Variants in UBXN7 observed in about 807,000 individuals in gnomAD.
The protein encoded by UBXN7 is UBX domain protein 7.
A neutral mutation model predicts 58.0 loss-of-function variants in UBXN7; 9 were observed. The ratio of observed to expected loss-of-function variants is 0.16; its 90% CI spans 0.09 to 0.27. The LOEUF (loss-of-function observed/expected upper bound fraction) is 0.27, where lower values mean the gene tolerates loss of function less well. Ranked by LOEUF, UBXN7 falls within the 10% of genes least tolerant of loss-of-function variation. The pLI is 1.00. For missense variants in UBXN7, 328 were observed against 599.6 expected (o/e 0.55, Z 4.73); for synonymous variants, 208 against 205.0 (o/e 1.01, Z -0.12).
intron 6 of UBXN7, 99 bp downstream of exon 6, chr3:196,371,797 T>A: frequency 6.9e-7 from 1 of 1,455,528 alleles, no homozygotes; most frequent in South Asian, 1.4e-5. Flanking sequence ...TTACCTTTTT[T>A]TAAATGTCTT....
intron 2 of UBXN7, among the ~76,000 whole-genome samples, chr3:196,404,946 G>C (rs1289440065): frequency 1.3e-5 from 2 of 152,090 alleles, no homozygotes; most frequent in African/African-American, 4.8e-5. Context: ...TTGAGCTCAG[G>C]AGTTCAAGAC....
intron 6 of UBXN7, among the ~76,000 whole-genome samples, chr3:196,370,828 C>A (rs1457732009): frequency 1.4e-5 from 2 of 144,906 alleles, no homozygotes; most frequent in Non-Finnish European, 3.0e-5. Flanking sequence ...CGAGACGAGC[C>A]TGGGCAATAT....
chr3:196,380,065 G>C (rs917130524), intron 5 of UBXN7, among the ~76,000 whole-genome samples: 3 of 152,118 alleles, frequency 2.0e-5, no homozygotes, highest in East Asian at 3.9e-4. Flanking sequence ...CTGGCTACCA[G>C]GGTGAAACCA....
intron 1 of UBXN7, among the ~76,000 whole-genome samples, chr3:196,418,623 C>A (rs1730577749): frequency 1.3e-5 from 2 of 152,170 alleles, no homozygotes; most frequent in Admixed American, 1.3e-4. Context: ...AACAGCACTC[C>A]AGTGTGACTG....
rs1463398715 is a variant in UBXN7, at chr3:196,353,189, A to C, written c.*3496T>G. On this transcript the variant is annotated 3_prime_UTR_variant, in exon 11 of 11. Transcript: ENST00000296328. ...GGTAGCTTGATTCTCTTGCTGAAGG[A>C]GACCACAGCATGGACTCTGGATTCC... 6.6e-6 allele frequency: 1 copy of C among 152,230 alleles called. No homozygotes were observed. The highest frequency in any genetic ancestry group is 1.9e-4 in the East Asian group (1 of 5,200). 9.4% of individuals were successfully genotyped at this position (152,230 alleles called of 1,614,324 possible).
chr3:196,374,712 C>A (rs1022781958), intron 5 of UBXN7, among the ~76,000 whole-genome samples: 1 of 150,128 alleles, frequency 6.7e-6, no homozygotes, highest in African/African-American at 2.5e-5. Flanking sequence ...GAAACCCCAT[C>A]TCTACTAAAA....
At chr3:196,420,052 T>C (rs1383679935) in intron 1 of UBXN7, among the ~76,000 whole-genome samples, 1 of 152,192 alleles carries the variant, frequency 6.6e-6, no homozygotes, top group African/African-American at 2.4e-5. Flanking sequence ...TTAGTGAAGT[T>C]ACACATTTTA....
chr3:196,373,407 G>C (rs1728899482), intron 5 of UBXN7, among the ~76,000 whole-genome samples: 1 of 152,186 alleles, frequency 6.6e-6, no homozygotes, highest in African/African-American at 2.4e-5. Context: ...CTGCTGAGTG[G>C]AAAACAATGG....
intron 6 of UBXN7, 145 bp downstream of exon 6, chr3:196,371,751 G>C: frequency 1.0e-6 from 1 of 988,436 alleles, no homozygotes; most frequent in Non-Finnish European, 1.4e-6. Flanking sequence ...CCAAAGTGCT[G>C]GGATTATAGG....
intron 1 of UBXN7, among the ~76,000 whole-genome samples, chr3:196,413,275 T>C (rs1730387676): frequency 1.3e-5 from 2 of 152,008 alleles, no homozygotes; most frequent in African/African-American, 2.4e-5. Context: ...GAGGCAGAGG[T>C]TGCAGTGAGC....
intron 1 of UBXN7, among the ~76,000 whole-genome samples, chr3:196,427,584 C>G (rs1730890510): frequency 6.6e-6 from 1 of 152,132 alleles, no homozygotes; most frequent in African/African-American, 2.4e-5. Context: ...TCCCAAAGTG[C>G]CTGGGATTAC....
intron 8 of UBXN7, among the ~76,000 whole-genome samples, chr3:196,365,948 GGAAGA>G (rs1728651925): frequency 6.6e-6 from 1 of 151,980 alleles, no homozygotes; most frequent in Non-Finnish European, 1.5e-5. Flanking sequence ...AAACAGAAGA[GGAAGA>G]AATACTTCTC....
At chr3:196,404,464 G>A (rs541074183) in intron 2 of UBXN7, among the ~76,000 whole-genome samples, 1 of 151,844 alleles carries the variant, frequency 6.6e-6, no homozygotes, top group South Asian at 2.1e-4. Context: ...GGGTTTCACT[G>A]CGTTAGCCAG....
intron 5 of UBXN7, among the ~76,000 whole-genome samples, chr3:196,377,511 T>C (rs1729066083): frequency 6.6e-6 from 1 of 152,226 alleles, no homozygotes; most frequent in South Asian, 2.1e-4. Flanking sequence ...GCTTTCAATT[T>C]GGCTGTAAGA....
intron 1 of UBXN7, chr3:196,432,125 G>C: frequency 4.2e-6 from 3 of 718,086 alleles, no homozygotes; most frequent in Non-Finnish European, 4.9e-6. Context: ...GACAGAGAAC[G>C]AGGGTATCGG....
chr3:196,376,400 G>C (rs1478857093), intron 5 of UBXN7, among the ~76,000 whole-genome samples: 5 of 151,826 alleles, frequency 3.3e-5, no homozygotes. Flanking sequence ...TAAAAAATTA[G>C]CCAGGCGTGG....
intron 3 of UBXN7, 77 bp from the exon 4 acceptor site, chr3:196,393,696 G>GT (rs1436079211): frequency 4.9e-6 from 7 of 1,424,736 alleles, no homozygotes; most frequent in Non-Finnish European, 5.8e-6. Flanking sequence ...TTATCTAAAA[G>GT]TATTTTTTTA....
chr3:196,432,145 G>A lies in UBXN7; in HGVS notation c.73+182C>T, dbSNP rs528055834. 4.3e-5 allele frequency: 34 copies of A among 788,468 alleles called. No individual in the cohort carries two copies. In the East Asian group the frequency reaches 8.4e-4, roughly 19 times the overall value. The allele number at this position is 788,468 out of a possible 1,614,324, so 48.8% of individuals were successfully genotyped here. A position where few individuals can be genotyped will look rare whatever the true frequency, so the allele number is the denominator to read the frequency against. On this transcript the variant is annotated intron_variant, in intron 1 of 10. Transcript: ENST00000296328. ...AGAACGAGGGTATCGGGAGCGGGGG[G>A]GGGCTGTCTCCCGCCTGAACCCGGA...
At chr3:196,393,489 A>T in intron 4 of UBXN7, 65 bp downstream of exon 4, 2 of 1,478,320 alleles carry the variant, frequency 1.4e-6, no homozygotes, top group African/African-American at 2.8e-5. Flanking sequence ...GCCTAATAGT[A>T]ATCATCTTTG....
Sources: allele counts gnomAD v4.1 joint callset (sites outside exome capture counted in the v4.1 genomes callset), GRCh38; gene constraint gnomAD v4.1.1; transcripts MANE v1.5; gene names NCBI Gene and HGNC (gene_info 2026-07-23, HGNC 2026-07-21).